The following HSDL2 variants were observed in gnomAD, a reference collection of about 807,000 sequenced individuals.
HSDL2 encodes hydroxysteroid dehydrogenase-like protein 2.
In HSDL2, 27 loss-of-function variants were observed where a neutral mutation model predicts 46.3. That is an observed-to-expected ratio of 0.58 (90% CI 0.43 to 0.80). HSDL2 has a LOEUF of 0.80. Ranked by LOEUF, HSDL2 falls within the 30% of genes least tolerant of loss-of-function variation. The pLI, the probability that HSDL2 is intolerant of heterozygous loss-of-function variation, is 0.00. For missense variants in HSDL2, 451 were observed against 502.7 expected (o/e 0.90, Z 0.98); for synonymous variants, 153 against 163.6 (o/e 0.94, Z 0.50).
At chr9:112,448,712 T>G (rs79973364) in intron 8 of HSDL2, among the ~76,000 whole-genome samples, 1 of 440 alleles carries the variant, frequency 2.3e-3, no homozygotes, top group East Asian at 9.4e-3. Context: ...ACCCAGCTAA[T>G]TTTTTTTTTT....
At chr9:112,423,767 G>T (rs1304277752) in intron 6 of HSDL2, among the ~76,000 whole-genome samples, 2 of 152,108 alleles carry the variant, frequency 1.3e-5, no homozygotes, top group Non-Finnish European at 2.9e-5. Context: ...CCAGGCTGGA[G>T]TGCAGTGGCA....
At chr9:112,442,057 T>C (rs941045296) in intron 8 of HSDL2, among the ~76,000 whole-genome samples, 1 of 150,740 alleles carries the variant, frequency 6.6e-6, no homozygotes. Context: ...AGTCCAGGAG[T>C]TTGCGACGAG....
chr9:112,400,699 G>A (rs1831570401), intron 1 of HSDL2, among the ~76,000 whole-genome samples: 1 of 152,226 alleles, frequency 6.6e-6, no homozygotes, highest in Non-Finnish European at 1.5e-5. Flanking sequence ...AAATCAAGAT[G>A]TCAGCAGGGC....
intron 7 of HSDL2, chr9:112,438,880 C>T (rs560852576): frequency 8.5e-5 from 21 of 248,332 alleles, no homozygotes; most frequent in African/African-American, 4.2e-4. Context: ...AGATCAGTTA[C>T]TAGCCACTTC....
At chr9:112,453,802 TAAAG>T (rs1832947209) in intron 8 of HSDL2, among the ~76,000 whole-genome samples, 3 of 152,226 alleles carry the variant, frequency 2.0e-5, no homozygotes, top group Admixed American at 1.3e-4. Context: ...TTGGAGAGTA[TAAAG>T]ATTTACATTT....
intron 9 of HSDL2, among the ~76,000 whole-genome samples, chr9:112,456,051 T>C (rs1034042209): frequency 6.6e-6 from 1 of 152,246 alleles, no homozygotes; most frequent in Non-Finnish European, 1.5e-5. Context: ...CCATGGATCA[T>C]ACTTGGAAGC....
intron 1 of HSDL2, among the ~76,000 whole-genome samples, chr9:112,394,672 C>T (rs143622566): frequency 2.6e-5 from 4 of 152,220 alleles, no homozygotes; most frequent in South Asian, 2.1e-4. Flanking sequence ...AGGGAGAGGC[C>T]GGAGACCAAA....
At chr9:112,428,447 G>C (rs994781418) in intron 6 of HSDL2, among the ~76,000 whole-genome samples, 2 of 152,166 alleles carry the variant, frequency 1.3e-5, no homozygotes, top group African/African-American at 4.8e-5. Flanking sequence ...AGATGAGAGT[G>C]AAAAAGGCAC....
intron 10 of HSDL2, among the ~76,000 whole-genome samples, chr9:112,462,600 ATGTG>A (rs3032131): frequency 0.12 from 17,543 of 146,526 alleles, 1,130 homozygotes; most frequent in Non-Finnish European, 0.13. Context: ...GAGGAGGGGG[ATGTG>A]TGTGTGTGTG....
chr9:112,459,556 G>C lies in HSDL2; in HGVS notation c.1123G>C (p.Asp375His), dbSNP rs2132704523. 6.2e-7 allele frequency: 1 copy of C among 1,613,564 alleles called. No individual in the cohort carries two copies. Among genetic ancestry groups the C allele is most frequent in the African/African-American group, 1.3e-5 (1 of 75,030 alleles). ...ADVVMSMTTDDFVKMFSGKLK... is the reference protein window; with the variant it reads ...ADVVMSMTTDHFVKMFSGKLK... ...TGTGGTGATGAGTATGACTACTGATGACTTTGTAAAAATGTTTTCAGGTGA... is the reference window on the plus strand; with the variant it reads ...TGTGGTGATGAGTATGACTACTGATCACTTTGTAAAAATGTTTTCAGGTGA... The change falls in exon 10 of 11, where the codon GAC becomes CAC. Residue 375 changes from aspartate to histidine, a missense_variant. Transcript: ENST00000398805.
intron 6 of HSDL2, among the ~76,000 whole-genome samples, chr9:112,431,982 C>T (rs989723990): frequency 3.3e-5 from 5 of 151,450 alleles, no homozygotes; most frequent in Admixed American, 6.6e-5. Context: ...CAGGTTCAAG[C>T]GATTCTCCTG....
chr9:112,438,281 C>T (rs1832570223), intron 6 of HSDL2, 150 bp from the exon 7 acceptor site: 1 of 579,988 alleles, frequency 1.7e-6, no homozygotes. Flanking sequence ...TTGGCAAATC[C>T]CTTAAGCAAT....
At chr9:112,433,402 G>A (rs1832451744) in intron 6 of HSDL2, among the ~76,000 whole-genome samples, 1 of 152,064 alleles carries the variant, frequency 6.6e-6, no homozygotes, top group African/African-American at 2.4e-5. Context: ...TGGATGAGAT[G>A]GATGGTCTTG....
chr9:112,409,494 T>C (rs892812730), intron 4 of HSDL2, among the ~76,000 whole-genome samples: 2 of 152,106 alleles, frequency 1.3e-5, no homozygotes, highest in Admixed American at 1.3e-4. Flanking sequence ...CCCAGCCCGA[T>C]AGTATTTTAA....
intron 9 of HSDL2, among the ~76,000 whole-genome samples, chr9:112,456,402 T>TGCA (rs1410419582): frequency 6.6e-6 from 1 of 152,202 alleles, no homozygotes; most frequent in Non-Finnish European, 1.5e-5. Context: ...GTGACCACTC[T>TGCA]GCAGCATTTG....
rs750229817 is a variant in HSDL2 at position 112,405,646 on chromosome 9, C to T, written c.204C>T (p.Ala68=). The part of the protein sequence containing the change: ...AEEIEAVGGK[A]LPCIVDVRDE... Reference sequence around the variant, plus strand: ...AAGTTGAAGCAGTTGGAGGAAAGGCCTTGCCATGTATTGTTGATGTGAGAG... The same window carrying T: ...AAGTTGAAGCAGTTGGAGGAAAGGCTTTGCCATGTATTGTTGATGTGAGAG... The change falls in exon 3 of 11, where the codon GCC becomes GCT. Residue 68 remains alanine (A), a synonymous_variant. Transcript: ENST00000398805. The T allele has an allele frequency of 4.3e-6, 7 of 1,612,344 alleles. No individual in the cohort carries two copies. In the South Asian group the frequency reaches 5.5e-5, roughly 13 times the overall value.
intron 8 of HSDL2, among the ~76,000 whole-genome samples, chr9:112,447,186 T>A (rs1168781821): frequency 2.0e-5 from 3 of 152,184 alleles, no homozygotes; most frequent in Non-Finnish European, 4.4e-5. Context: ...CAGCCATATG[T>A]CATCTTCTTT....
chr9:112,446,294 G>C (rs1832758618), intron 8 of HSDL2, among the ~76,000 whole-genome samples: 1 of 152,090 alleles, frequency 6.6e-6, no homozygotes, highest in Non-Finnish European at 1.5e-5. Flanking sequence ...AGTGTGCAAG[G>C]CTGACATGTG....
At chr9:112,468,892 T>G (rs933769874) in intron 10 of HSDL2, among the ~76,000 whole-genome samples, 1 of 152,034 alleles carries the variant, frequency 6.6e-6, no homozygotes, top group African/African-American at 2.4e-5. Flanking sequence ...TGTGTGTGAG[T>G]GGGGTGGGTG....
Sources: allele counts gnomAD v4.1 joint callset (sites outside exome capture counted in the v4.1 genomes callset), GRCh38; gene constraint gnomAD v4.1.1; transcripts MANE v1.5; gene names NCBI Gene and HGNC (gene_info 2026-07-23, HGNC 2026-07-21).